Variants in HECW2 observed in about 807,000 individuals in gnomAD.
HECW2 encodes the protein E3 ubiquitin-protein ligase HECW2.
In HECW2, 61 loss-of-function variants were observed where a neutral mutation model predicts 175.2. The ratio of observed to expected loss-of-function variants is 0.35; its 90% CI spans 0.28 to 0.43. The LOEUF is 0.43. Among genes scored for constraint, HECW2 ranks in the 20% least tolerant of loss-of-function variants. The probability of loss-of-function intolerance (pLI) is 1.00; values close to 1 mark genes in which losing one functional copy is unlikely to be tolerated. For missense variants in HECW2, 1,524 were observed against 2,000.5 expected (o/e 0.76, Z 4.54); for synonymous variants, 671 against 731.0 (o/e 0.92, Z 1.32).
intron 1 of HECW2, among the ~76,000 whole-genome samples, chr2:196,583,393 G>T (rs1345049717): frequency 1.3e-5 from 2 of 152,168 alleles, no homozygotes; most frequent in East Asian, 1.9e-4. Flanking sequence ...GAGTTCTGAT[G>T]ATTTAAAATG....
chr2:196,431,182 C>T (rs1695702080), intron 2 of HECW2, among the ~76,000 whole-genome samples: 1 of 152,154 alleles, frequency 6.6e-6, no homozygotes, highest in Non-Finnish European at 1.5e-5. Flanking sequence ...TTCTGCTTTC[C>T]TAGTGACAAC....
chr2:196,413,963 G>A (rs972865313), intron 2 of HECW2, among the ~76,000 whole-genome samples: 1 of 152,172 alleles, frequency 6.6e-6, no homozygotes, highest in Non-Finnish European at 1.5e-5. Context: ...CTCAAGGACT[G>A]AGGCAGGTTC....
At position 196,296,654 on chromosome 2, in the gene HECW2, A is replaced by G. The variant is rs1266681677; in HGVS notation, c.2815-3904T>C. 6.6e-5 allele frequency among the ~76,000 whole-genome samples: 10 copies of G among 152,342 alleles called. 1 individual carries two copies. The East Asian group carries it at 1.7e-3, about 26-fold the overall frequency. ...ATACAGAGATGAGCAAGGCCTGATC[A>G]TTCAAAAGGATGAAGAAGGAGAATT... On this transcript the variant is annotated intron_variant, in intron 13 of 28. Transcript: ENST00000644978.
intron 16 of HECW2, among the ~76,000 whole-genome samples, chr2:196,273,297 G>A (rs554578224): frequency 1.3e-3 from 192 of 152,100 alleles, no homozygotes; most frequent in Non-Finnish European, 2.3e-3. Flanking sequence ...TTGATCTGTC[G>A]ACCTTGTGAT....
chr2:196,437,611 C>CAAAAAAAAAAGAAAAA (rs1553517712), intron 1 of HECW2, among the ~76,000 whole-genome samples: 1 of 55,786 alleles, frequency 1.8e-5, no homozygotes, highest in Non-Finnish European at 3.2e-5. Flanking sequence ...GACTCTGTCT[C>CAAAAAAAAAAGAAAAA]AAAAAAAAAA....
chr2:196,547,640 A>G (rs535156663), intron 1 of HECW2, among the ~76,000 whole-genome samples: 1 of 152,334 alleles, frequency 6.6e-6, no homozygotes, highest in East Asian at 1.9e-4. Flanking sequence ...GAAACCAAGA[A>G]GTAAGGTGGC....
intron 1 of HECW2, among the ~76,000 whole-genome samples, chr2:196,553,240 T>G (rs1424144503): frequency 6.6e-6 from 1 of 152,260 alleles, no homozygotes; most frequent in Non-Finnish European, 1.5e-5. Context: ...ATGCACTACA[T>G]GTAGTAATTC....
intron 1 of HECW2, among the ~76,000 whole-genome samples, chr2:196,480,698 A>G (rs1686811834): frequency 6.6e-6 from 1 of 152,228 alleles, no homozygotes; most frequent in South Asian, 2.1e-4. Flanking sequence ...GCCACGCAAA[A>G]CCTAGTCTTA....
intron 24 of HECW2, among the ~76,000 whole-genome samples, chr2:196,221,284 T>C (rs368035938): frequency 2.0e-5 from 3 of 151,950 alleles, no homozygotes; most frequent in Non-Finnish European, 2.9e-5. Context: ...GAATTGACTA[T>C]ATCTAGCGTA....
chr2:196,351,699 T>C (rs1032590205), intron 2 of HECW2, among the ~76,000 whole-genome samples: 8 of 152,246 alleles, frequency 5.3e-5, no homozygotes, highest in Admixed American at 2.6e-4. Context: ...AAATTCTAAA[T>C]TGATTTTCAA....
intron 1 of HECW2, among the ~76,000 whole-genome samples, chr2:196,437,374 G>C (rs1695908461): frequency 6.6e-6 from 1 of 151,978 alleles, no homozygotes; most frequent in Non-Finnish European, 1.5e-5. Context: ...CACTTTGGGA[G>C]GCTGAGGCAG....
intron 2 of HECW2, among the ~76,000 whole-genome samples, chr2:196,377,378 C>G (rs114855927): frequency 0.026 from 3,913 of 152,250 alleles, 165 homozygotes; most frequent in African/African-American, 0.088. Context: ...ATACCCGAAA[C>G]TGGGTAATTA....
intron 2 of HECW2, among the ~76,000 whole-genome samples, chr2:196,382,722 A>C (rs1216732411): frequency 6.6e-6 from 1 of 152,152 alleles, no homozygotes; most frequent in Non-Finnish European, 1.5e-5. Context: ...CTGGCTTTAA[A>C]AAGCATCTAC....
At chr2:196,230,396 T>C (rs1688007778) in intron 21 of HECW2, among the ~76,000 whole-genome samples, 1 of 152,226 alleles carries the variant, frequency 6.6e-6, no homozygotes, top group Non-Finnish European at 1.5e-5. Flanking sequence ...ACATATGGGG[T>C]GCTAATCTAG....
chr2:196,477,112 C>T (rs1307519942), intron 1 of HECW2, among the ~76,000 whole-genome samples: 7 of 149,994 alleles, frequency 4.7e-5, no homozygotes, highest in Non-Finnish European at 7.4e-5. Context: ...CACTGCACTC[C>T]TGTGTAGGTG....
At chr2:196,239,365 T>C (rs1254769147) in intron 21 of HECW2, 1 of 152,208 alleles carries the variant, frequency 6.6e-6, no homozygotes, top group Non-Finnish European at 1.5e-5. Flanking sequence ...GAGTTTTGCT[T>C]AGGTCCCAGA....
At chr2:196,279,056 T>A (rs906593421) in intron 14 of HECW2, among the ~76,000 whole-genome samples, 15 of 149,236 alleles carry the variant, frequency 1.0e-4, no homozygotes, top group South Asian at 2.1e-4. Flanking sequence ...AAAAAAAAAA[T>A]TTTTTTTTTT....
intron 1 of HECW2, among the ~76,000 whole-genome samples, chr2:196,439,030 C>T (rs948169563): frequency 6.6e-6 from 1 of 151,940 alleles, no homozygotes. Context: ...AAATATATAC[C>T]GGTTATTTGT....
intron 1 of HECW2, among the ~76,000 whole-genome samples, chr2:196,515,593 A>G (rs1688120253): frequency 6.6e-6 from 1 of 152,206 alleles, no homozygotes; most frequent in Admixed American, 6.5e-5. Context: ...TATAACCCAA[A>G]AGGGTATCAA....
Sources: allele counts gnomAD v4.1 joint callset (sites outside exome capture counted in the v4.1 genomes callset), GRCh38; gene constraint gnomAD v4.1.1; transcripts MANE v1.5; gene names NCBI Gene and HGNC (gene_info 2026-07-23, HGNC 2026-07-21).